The following CRMP1 variants were observed in gnomAD, a reference collection of about 807,000 sequenced individuals.
CRMP1 encodes the protein collapsin response mediator protein 1, also known as dihydropyrimidinase-related protein 1.
Under a neutral mutation model 68.3 loss-of-function variants are expected in CRMP1, and 19 were observed. That is an observed-to-expected ratio of 0.28 (90% CI 0.19 to 0.41). CRMP1 has a LOEUF of 0.41. Ranked by LOEUF, CRMP1 falls within the 10% of genes least tolerant of loss-of-function variation. The pLI is 1.00. For synonymous variants in CRMP1, 439 were observed against 399.6 expected, an observed-to-expected ratio of 1.10 and a Z score of -1.18; for missense variants, 791 against 967.4, an observed-to-expected ratio of 0.82 and a Z score of 2.42.
rs1472277460 is a variant in CRMP1 at position 5,890,356 on chromosome 4, C to T, written c.381+2233G>A. Among the ~76,000 whole-genome samples, 2 of 152,168 alleles carry T rather than the reference C, an allele frequency of 1.3e-5. No homozygotes were observed. Among genetic ancestry groups the T allele is most frequent in the African/African-American group, 2.4e-5 (1 of 41,450 alleles). ...CAAAGCGCCGCAGCCGCTCAGCCTC[C>T]GGCAGCGGCAATCCTTGCGCCTGCG... On this transcript the variant is annotated intron_variant, in intron 1 of 13. Coordinates refer to ENST00000324989, the MANE Select transcript of CRMP1 (RefSeq NM_001014809.3). This position sits in a 1 kb window ranked among gnomAD's most constrained non-coding sequence, Gnocchi z 5.5.
At chr4:5,844,339 A>G (rs1458963602) in intron 6 of CRMP1, among the ~76,000 whole-genome samples, 1 of 122,668 alleles carries the variant, frequency 8.2e-6, no homozygotes, top group African/African-American at 3.1e-5. Flanking sequence ...GGAAGGAAAG[A>G]GGAAGTAAGG....
rs148360556 is a variant in CRMP1, at chr4:5,859,710, G to T, written c.655+1316C>A. Among the ~76,000 whole-genome samples, 2 of 152,144 alleles carry T rather than the reference G, an allele frequency of 1.3e-5. No homozygotes were observed. The highest frequency in any genetic ancestry group is 2.9e-5 in the Non-Finnish European group (2 of 68,032). On this transcript the variant is annotated intron_variant, in intron 3 of 13. Coordinates refer to ENST00000324989, the MANE Select transcript of CRMP1 (RefSeq NM_001014809.3). The surrounding 1 kb of genome is among the most constrained non-coding windows in gnomAD (Gnocchi z 5.2). ...CCCATTTCCCATCCAGCAGATCCACGGGCTGCCCTTTGGAAGAGGGATCAG... is the reference window on the plus strand; with the variant it reads ...CCCATTTCCCATCCAGCAGATCCACTGGCTGCCCTTTGGAAGAGGGATCAG...
At chr4:5,864,295 C>T (rs141161983) in intron 2 of CRMP1, among the ~76,000 whole-genome samples, 2 of 152,260 alleles carry the variant, frequency 1.3e-5, no homozygotes, top group East Asian at 3.9e-4. Flanking sequence ...TTCTCAGGGT[C>T]ATTTTACCTT....
rs991739727 is a variant in CRMP1, at chr4:5,891,317, C to T, written c.381+1272G>A. Among the ~76,000 whole-genome samples, 1 of 152,124 alleles carries T rather than the reference C, an allele frequency of 6.6e-6. No homozygotes were observed. Among genetic ancestry groups the T allele is most frequent in the Admixed American group, 6.5e-5 (1 of 15,282 alleles). On this transcript the variant is annotated intron_variant, in intron 1 of 13. Coordinates refer to ENST00000324989, the MANE Select transcript of CRMP1 (RefSeq NM_001014809.3). The surrounding 1 kb of genome is among the most constrained non-coding windows in gnomAD (Gnocchi z 5.2). ...AGGGATGGGGCCCGAAGAGGCCCAC[C>T]ACCGTGTTTACCAGTTCCCTGCTCC...
intron 9 of CRMP1, 120 bp from the exon 10 acceptor site, chr4:5,837,026 G>T: frequency 8.6e-7 from 1 of 1,161,508 alleles, no homozygotes; most frequent in Non-Finnish European, 1.2e-6. Context: ...GAAGCCAGTG[G>T]GTAAGAGAGA....
rs147832860 is a variant in CRMP1 at position 5,881,683 on chromosome 4, A to G, written c.381+10906T>C. 6.6e-6 allele frequency among the ~76,000 whole-genome samples: 1 copy of G among 152,222 alleles called. No homozygotes were observed. Among genetic ancestry groups the G allele is most frequent in the Non-Finnish European group, 1.5e-5 (1 of 68,016 alleles). On this transcript the variant is annotated intron_variant, in intron 1 of 13. Transcript: ENST00000324989. The surrounding 1 kb of genome is among the most constrained non-coding windows in gnomAD (Gnocchi z 4.6). ...ATTCAACATCTCTCTGCTTGTGAATACTCAGGGCTCCACCTGAGAGATGCT... is the reference window on the plus strand; with the variant it reads ...ATTCAACATCTCTCTGCTTGTGAATGCTCAGGGCTCCACCTGAGAGATGCT...
intron 1 of CRMP1, chr4:5,887,960 A>T: frequency 1.7e-6 from 1 of 572,544 alleles, no homozygotes; most frequent in Non-Finnish European, 2.5e-6. Flanking sequence ...CCTCTGGCAC[A>T]TCCCGTGGGG....
At chr4:5,831,367 T>C (rs934537509) in intron 11 of CRMP1, among the ~76,000 whole-genome samples, 2 of 152,196 alleles carry the variant, frequency 1.3e-5, no homozygotes, top group East Asian at 3.8e-4. Flanking sequence ...TCTGATGGTG[T>C]TTGATGATTT....
chr4:5,828,862 G>A lies in CRMP1; in HGVS notation c.1624-194C>T, dbSNP rs561589115. Among the ~76,000 whole-genome samples, 4 of 152,166 alleles carry A rather than the reference G, an allele frequency of 2.6e-5. No homozygotes were observed. In the South Asian group the frequency reaches 8.3e-4, roughly 32 times the overall value. On this transcript the variant is annotated intron_variant, in intron 11 of 13. Transcript: ENST00000324989. ...TATATAACCAACAACTCACCGTTGC[G>A]CATGTAGGCTGCCGGTGGCTTTCTA...
rs1043225537 is a variant in CRMP1, at chr4:5,866,517, G to A, written c.470+151C>T. 6.9e-5 allele frequency: 38 copies of A among 547,188 alleles called. No homozygotes were observed. Among genetic ancestry groups the A allele is most frequent in the Non-Finnish European group, 6.1e-5 (19 of 311,546 alleles). 33.9% of individuals were successfully genotyped at this position (547,188 alleles called of 1,614,324 possible). A position where few individuals can be genotyped will look rare whatever the true frequency, so the allele number is the denominator to read the frequency against. ...CCAGCCCCTTCTCCACCCGCAGTGTGCACCTCCCCCAACCTCTGTGAGGTC... is the reference window on the plus strand; with the variant it reads ...CCAGCCCCTTCTCCACCCGCAGTGTACACCTCCCCCAACCTCTGTGAGGTC... On this transcript the variant is annotated intron_variant, in intron 2 of 13. Transcript: ENST00000324989. The surrounding 1 kb of genome is among the most constrained non-coding windows in gnomAD (Gnocchi z 5.9).
chr4:5,853,840 A>C lies in CRMP1; in HGVS notation c.820+2303T>G, dbSNP rs763912824. ...GGAAATAAGTCAGGCACAGAAAGGC[A>C]AACACTGCAGCATCTCACTTATATG... is the stretch of plus-strand genomic sequence containing the variant. On this transcript the variant is annotated intron_variant, in intron 4 of 13. Transcript: ENST00000324989. This position sits in a 1 kb window ranked among gnomAD's most constrained non-coding sequence, Gnocchi z 4.7. 6.6e-6 allele frequency among the ~76,000 whole-genome samples: 1 copy of C among 152,282 alleles called. No homozygotes were observed. The highest frequency in any genetic ancestry group is 1.5e-5 in the Non-Finnish European group (1 of 68,046).
rs75716997 is a variant in CRMP1 at position 5,841,566 on chromosome 4, G to T, written c.1033-138C>A. On this transcript the variant is annotated intron_variant, in intron 7 of 13. Transcript: ENST00000324989. This position sits in a 1 kb window ranked among gnomAD's most constrained non-coding sequence, Gnocchi z 6.9. ...AGAAGGACATACTGAGTCCAACAGC[G>T]CTTGACAGTGCCCCCTGCTCTCCGG... The T allele has an allele frequency of 2.3e-6, 3 of 1,328,644 alleles. No homozygotes were observed. The highest frequency in any genetic ancestry group is 1.0e-6 in the Non-Finnish European group (1 of 959,710). The allele number at this position is 1,328,644 out of a possible 1,614,324, so 82.3% of individuals were successfully genotyped here. A position where few individuals can be genotyped will look rare whatever the true frequency, so the allele number is the denominator to read the frequency against.
rs889707834 is a variant in CRMP1, at chr4:5,841,279, C to T, written c.1153+29G>A. On this transcript the variant is annotated intron_variant, in intron 8 of 13. Coordinates refer to ENST00000324989, the MANE Select transcript of CRMP1 (RefSeq NM_001014809.3). The surrounding 1 kb of genome is among the most constrained non-coding windows in gnomAD (Gnocchi z 6.9). ...ACACCCCCTTCCAGGCCCCAGCTGCCCCCAGAAGGCCCAGGGCCGGCTGCA... is the reference window on the plus strand; with the variant it reads ...ACACCCCCTTCCAGGCCCCAGCTGCTCCCAGAAGGCCCAGGGCCGGCTGCA... The T allele has an allele frequency of 2.5e-6, 4 of 1,613,652 alleles. No homozygotes were observed. In the African/African-American group the frequency reaches 4.0e-5, roughly 16 times the overall value.
rs1713975972 is a variant in CRMP1 at position 5,866,056 on chromosome 4, C to G, written c.470+612G>C. 6.6e-6 allele frequency among the ~76,000 whole-genome samples: 1 copy of G among 152,216 alleles called. No homozygotes were observed. The highest frequency in any genetic ancestry group is 1.5e-5 in the Non-Finnish European group (1 of 68,042). The stretch of plus-strand genomic sequence containing the variant: ...AACTTCTGCTGTTTAAGCCACCCAG[C>G]CTGTGGCATTCCATTCCGGCAGCCA... On this transcript the variant is annotated intron_variant, in intron 2 of 13. Transcript: ENST00000324989. This position sits in a 1 kb window ranked among gnomAD's most constrained non-coding sequence, Gnocchi z 5.9.
At chr4:5,886,222 T>C (rs903020696) in intron 1 of CRMP1, among the ~76,000 whole-genome samples, 8 of 152,222 alleles carry the variant, frequency 5.3e-5, no homozygotes, top group African/African-American at 1.7e-4. Flanking sequence ...CCATGCTCAT[T>C]GAAACCACCT....
chr4:5,888,211 G>T lies in CRMP1; in HGVS notation c.381+4378C>A. On this transcript the variant is annotated intron_variant, in intron 1 of 13. Coordinates refer to ENST00000324989, the MANE Select transcript of CRMP1 (RefSeq NM_001014809.3). The surrounding 1 kb of genome is among the most constrained non-coding windows in gnomAD (Gnocchi z 6.4). Reference sequence around the variant, plus strand: ...CACAAAGGCCAGCGCGGGGCGGCGGGGGCGGGGGCCGCTTACCGTGATGTG... The same window carrying T: ...CACAAAGGCCAGCGCGGGGCGGCGGTGGCGGGGGCCGCTTACCGTGATGTG... The T allele has an allele frequency of 7.9e-7, 1 of 1,262,232 alleles. No homozygotes were observed. The highest frequency in any genetic ancestry group is 1.0e-6 in the Non-Finnish European group (1 of 999,468). 78.2% of individuals were successfully genotyped at this position (1,262,232 alleles called of 1,614,324 possible).
intron 2 of CRMP1, among the ~76,000 whole-genome samples, chr4:5,863,239 C>T (rs1220713681): frequency 6.6e-6 from 1 of 151,562 alleles, no homozygotes; most frequent in Non-Finnish European, 1.5e-5. Context: ...TTACCAGGCA[C>T]AATCATAGCC....
At chr4:5,862,667 C>A (rs1713667076) in intron 2 of CRMP1, among the ~76,000 whole-genome samples, 1 of 152,192 alleles carries the variant, frequency 6.6e-6, no homozygotes. Context: ...GCAGAAGGGC[C>A]GCTGGCTGTA....
At chr4:5,836,606 C>T (rs1387997417) in intron 10 of CRMP1, among the ~76,000 whole-genome samples, 159 bp downstream of exon 10, 5 of 152,260 alleles carry the variant, frequency 3.3e-5, no homozygotes, top group Non-Finnish European at 7.3e-5. Context: ...GAGCTACTAT[C>T]TCTCAAGTTA....
Sources: allele counts gnomAD v4.1 joint callset (sites outside exome capture counted in the v4.1 genomes callset), GRCh38; gene constraint gnomAD v4.1.1; non-coding constraint Gnocchi (gnomAD v3.1); transcripts MANE v1.5; gene names NCBI Gene and HGNC (gene_info 2026-07-23, HGNC 2026-07-21).